The following CALML5 variants were observed in gnomAD, a reference collection of about 807,000 sequenced individuals.
CALML5 encodes calmodulin like 5.
For missense variants in CALML5, 207 were observed against 206.6 expected, an observed-to-expected ratio of 1.00 and a Z score of -0.01; for synonymous variants, 101 against 96.8, an observed-to-expected ratio of 1.04 and a Z score of -0.25.
In CALML5 at chr10:5,498,978, G is replaced by A. The variant is rs1267388314; in HGVS notation, c.*20C>T. On this transcript the variant is annotated 3_prime_UTR_variant, in exon 1 of 1. Transcript: ENST00000380332. ...CCCTGAAGGCTCAGAGCGCAGCCAG[G>A]GGGACACAGGCGGGGAGCCTCACTC... The A allele has an allele frequency of 2.1e-5, 32 of 1,516,334 alleles. No homozygotes were observed. Among genetic ancestry groups the A allele is most frequent in the Non-Finnish European group, 2.8e-5 (32 of 1,132,580 alleles). The allele number at this position is 1,516,334 out of a possible 1,614,324, so 93.9% of individuals were successfully genotyped here. A position where few individuals can be genotyped will look rare whatever the true frequency, so the allele number is the denominator to read the frequency against.
rs1833267530 is a variant in CALML5 at position 5,498,705 on chromosome 10, G to A, written c.*293C>T. The A allele has an allele frequency of 2.4e-6, 1 of 409,358 alleles. No individual in the cohort carries two copies. 25.4% of individuals were successfully genotyped at this position (409,358 alleles called of 1,614,324 possible). ...CAAACACCAAGCACACATGGAACTCGGCAGTCCTTTATTTAGATCAATGCG... is the reference window on the plus strand; with the variant it reads ...CAAACACCAAGCACACATGGAACTCAGCAGTCCTTTATTTAGATCAATGCG... On this transcript the variant is annotated 3_prime_UTR_variant, in exon 1 of 1. Transcript: ENST00000380332.
In CALML5 at chr10:5,499,045, C is replaced by A; in HGVS notation, c.394G>T (p.Gly132Trp). Reference sequence around the variant, plus strand: ...GCGAACTCCTCGTAGTTCACCCGCCCGTCCTGGTCCACGTCGGCCTCGCGG... The same window carrying A: ...GCGAACTCCTCGTAGTTCACCCGCCAGTCCTGGTCCACGTCGGCCTCGCGG... Reference protein sequence around the residue: ...MIREADVDQDGRVNYEEFARM... With the variant: ...MIREADVDQDWRVNYEEFARM... The change falls in exon 1 of 1, where the codon GGG becomes TGG. Residue 132 changes from glycine (G) to tryptophan (W), a missense_variant. Gly to Trp is a radical substitution (Grantham distance 184). Transcript: ENST00000380332. 1.3e-6 allele frequency: 2 copies of A among 1,594,070 alleles called. No individual in the cohort carries two copies. Among genetic ancestry groups the A allele is most frequent in the South Asian group, 1.1e-5 (1 of 89,286 alleles).
Position 5,498,816 on chromosome 10 carries a change from A to G in CALML5, c.*182T>C. On this transcript the variant is annotated 3_prime_UTR_variant, in exon 1 of 1. Coordinates refer to ENST00000380332, the MANE Select transcript of CALML5 (RefSeq NM_017422.5). ...TTCTGCCCAAGGTCTGGAGGCAGAG[A>G]GGGGCTCGCAGGCGGCCCGAGGGCG... The G allele has an allele frequency of 1.7e-6, 1 of 602,510 alleles. No homozygotes were observed. Among genetic ancestry groups the G allele is most frequent in the Non-Finnish European group, 2.9e-6 (1 of 345,256 alleles). 37.3% of individuals were successfully genotyped at this position (602,510 alleles called of 1,614,324 possible).
Position 5,499,372 on chromosome 10 carries a change from C to G in CALML5, c.67G>C (p.Asp23His), listed in dbSNP as rs141020784. The G allele has an allele frequency of 1.2e-6, 2 of 1,614,070 alleles. No individual in the cohort carries two copies. Among genetic ancestry groups the G allele is most frequent in the African/African-American group, 1.3e-5 (1 of 74,942 alleles). Residue 23 changes from aspartate to histidine, a missense_variant, in exon 1 of 1, where the codon GAT (aspartate) becomes CAT (histidine). Asp to His is a moderately conservative substitution (Grantham distance 81). Transcript: ENST00000380332. ...TGGGCATTGATGGTGCCGTTTCCAT[C>G]CGTGTCAACCGCGGAGAAAGCCTTT... is the stretch of plus-strand genomic sequence containing the variant. ...YKKAFSAVDT[D>H]GNGTINAQEL...
rs765766623 is a variant in CALML5 at position 5,499,122 on chromosome 10, G to T, written c.317C>A (p.Ala106Asp). The stretch of plus-strand genomic sequence containing the variant: ...CAGCGGCTGCCCCAGCCCCGCCATG[G>T]CCCGCCTGAGCTCGTCCACGGTGAT... ...GHITVDELRR[A>D]MAGLGQPLPQ... The change falls in exon 1 of 1, where the codon GCC (alanine) becomes GAC (aspartate). Residue 106 changes from alanine (A) to aspartate (D), a missense_variant. Ala to Asp is a moderately radical substitution (Grantham distance 126). Coordinates refer to ENST00000380332, the MANE Select transcript of CALML5 (RefSeq NM_017422.5). 2 of 1,602,100 alleles carry T rather than the reference G, an allele frequency of 1.2e-6. No individual in the cohort carries two copies. The highest frequency in any genetic ancestry group is 1.7e-6 in the Non-Finnish European group (2 of 1,179,218).
rs1588454905 is a variant in CALML5 at position 5,499,190 on chromosome 10, C to A, written c.249G>T (p.Leu83=). 1 of 1,611,454 alleles carries A rather than the reference C, an allele frequency of 6.2e-7. No homozygotes were observed. Among genetic ancestry groups the A allele is most frequent in the African/African-American group, 1.3e-5 (1 of 75,064 alleles). Residue 83 remains leucine, a synonymous_variant, in exon 1 of 1, where the codon CTG becomes CTT. Coordinates refer to ENST00000380332, the MANE Select transcript of CALML5 (RefSeq NM_017422.5). ...GGTCGAAGGCGCGGAAGGCGACCTG[C>A]AGGTCCTCCAGGCCGGCCCTGGCCT... The part of the protein sequence containing the change: ...AKKARAGLED[L]QVAFRAFDQD...
Position 5,499,002 on chromosome 10 carries a change from T to C in CALML5, c.437A>G (p.Glu146Gly), listed in dbSNP as rs1324155332. Residue 146 changes from glutamate (E) to glycine (G), a missense_variant, in exon 1 of 1, where the codon GAG becomes GGG. Glu to Gly is a moderately conservative substitution (Grantham distance 98). Transcript: ENST00000380332. ...GGGGGACACAGGCGGGGAGCCTCAC[T>C]CCTGGGCGAGCATCCTCGCGAACTC... ...YEEFARMLAQ[E>G] 23 of 1,544,116 alleles carry C rather than the reference T, an allele frequency of 1.5e-5. No homozygotes were observed. The African/African-American group carries it at 2.0e-4, about 14-fold the overall frequency.
rs778071826 is a variant in CALML5 at position 5,499,064 on chromosome 10, C to T, written c.375G>A (p.Glu125=). Residue 125 remains glutamate, a synonymous_variant, in exon 1 of 1, where the codon GAG becomes GAA. Coordinates refer to ENST00000380332, the MANE Select transcript of CALML5 (RefSeq NM_017422.5). ...CCCGCCCGTCCTGGTCCACGTCGGCCTCGCGGATCATGGCGTCCAGCTCCT... is the reference window on the plus strand; with the variant it reads ...CCCGCCCGTCCTGGTCCACGTCGGCTTCGCGGATCATGGCGTCCAGCTCCT... ...PQEELDAMIR[E]ADVDQDGRVN... is the part of the protein sequence containing the mutation. 7.5e-5 allele frequency: 120 copies of T among 1,598,342 alleles called. 2 individuals carry two copies. The South Asian group carries it at 1.3e-3, about 17-fold the overall frequency.
chr10:5,499,163 C>G lies in CALML5; in HGVS notation c.276G>C (p.Gln92His). The change falls in exon 1 of 1, where the codon CAG becomes CAC. Residue 92 changes from glutamine to histidine, a missense_variant. Gln to His is a conservative substitution (Grantham distance 24, BLOSUM62 0). Transcript: ENST00000380332. ...DLQVAFRAFD[Q>H]DGDGHITVDE... is the part of the protein sequence containing the mutation. ...CCACGGTGATGTGGCCGTCGCCATCCTGGTCGAAGGCGCGGAAGGCGACCT... is the reference window on the plus strand; with the variant it reads ...CCACGGTGATGTGGCCGTCGCCATCGTGGTCGAAGGCGCGGAAGGCGACCT... 1 of 1,608,192 alleles carries G rather than the reference C, an allele frequency of 6.2e-7. No individual in the cohort carries two copies. The highest frequency in any genetic ancestry group is 8.5e-7 in the Non-Finnish European group (1 of 1,179,818).
At position 5,499,493 on chromosome 10, in the gene CALML5, A is replaced by T. The variant is rs1323474698; in HGVS notation, c.-55T>A. On this transcript the variant is annotated 5_prime_UTR_variant, in exon 1 of 1. It adds an upstream start codon to the 5' untranslated region. Coordinates refer to ENST00000380332, the MANE Select transcript of CALML5 (RefSeq NM_017422.5). Reference sequence around the variant, plus strand: ...CCGAGCTGCTGCCCACCGGCCCTCAACCTGCTGCTCTCAGAGCTCGTGGTC... The same window carrying T: ...CCGAGCTGCTGCCCACCGGCCCTCATCCTGCTGCTCTCAGAGCTCGTGGTC... 6.7e-7 allele frequency: 1 copy of T among 1,482,134 alleles called. No individual in the cohort carries two copies. Among genetic ancestry groups the T allele is most frequent in the African/African-American group, 1.4e-5 (1 of 71,804 alleles). The allele number at this position is 1,482,134 out of a possible 1,614,324, so 91.8% of individuals were successfully genotyped here.
At position 5,499,040 on chromosome 10, in the gene CALML5, C is replaced by T; in HGVS notation, c.399G>A (p.Arg133=). The T allele has an allele frequency of 1.3e-6, 2 of 1,591,024 alleles. No homozygotes were observed. The highest frequency in any genetic ancestry group is 2.3e-5 in the East Asian group (1 of 44,240). ...TCCTCGCGAACTCCTCGTAGTTCAC[C>T]CGCCCGTCCTGGTCCACGTCGGCCT... ...IREADVDQDG[R]VNYEEFARML... Residue 133 remains arginine (R), a synonymous_variant, in exon 1 of 1, where the codon CGG becomes CGA. Coordinates refer to ENST00000380332, the MANE Select transcript of CALML5 (RefSeq NM_017422.5).
chr10:5,499,169 G>A lies in CALML5; in HGVS notation c.270C>T (p.Phe90=), dbSNP rs1205523647. 1.2e-6 allele frequency: 2 copies of A among 1,608,796 alleles called. No homozygotes were observed. Among genetic ancestry groups the A allele is most frequent in the South Asian group, 1.1e-5 (1 of 91,066 alleles). ...LEDLQVAFRA[F]DQDGDGHITV... ...TGATGTGGCCGTCGCCATCCTGGTC[G>A]AAGGCGCGGAAGGCGACCTGCAGGT... Residue 90 remains phenylalanine, a synonymous_variant, in exon 1 of 1, where the codon TTC becomes TTT. Coordinates refer to ENST00000380332, the MANE Select transcript of CALML5 (RefSeq NM_017422.5).
chr10:5,499,061 G>T lies in CALML5; in HGVS notation c.378C>A (p.Ala126=). The T allele has an allele frequency of 6.3e-7, 1 of 1,597,584 alleles. No homozygotes were observed. The highest frequency in any genetic ancestry group is 8.5e-7 in the Non-Finnish European group (1 of 1,177,304). Residue 126 remains alanine, a synonymous_variant, in exon 1 of 1, where the codon GCC becomes GCA. Coordinates refer to ENST00000380332, the MANE Select transcript of CALML5 (RefSeq NM_017422.5). The part of the protein sequence containing the change: ...QEELDAMIRE[A]DVDQDGRVNY... ...TCACCCGCCCGTCCTGGTCCACGTC[G>T]GCCTCGCGGATCATGGCGTCCAGCT...
chr10:5,498,780 A>G lies in CALML5; in HGVS notation c.*218T>C, dbSNP rs1294336302. 1.7e-6 allele frequency: 1 copy of G among 579,728 alleles called. No homozygotes were observed. Among genetic ancestry groups the G allele is most frequent in the Non-Finnish European group, 3.0e-6 (1 of 329,378 alleles). The allele number at this position is 579,728 out of a possible 1,614,324, so 35.9% of individuals were successfully genotyped here. A position where few individuals can be genotyped will look rare whatever the true frequency, so the allele number is the denominator to read the frequency against. The stretch of plus-strand genomic sequence containing the variant: ...GCAGGGCAAAGGGGGACCAGGCCCA[A>G]GGAGGCCTCCTTCTGCCCAAGGTCT... On this transcript the variant is annotated 3_prime_UTR_variant, in exon 1 of 1. Transcript: ENST00000380332.
rs773943050 is a variant in CALML5, at chr10:5,499,101, G to A, written c.338C>T (p.Pro113Leu). The change falls in exon 1 of 1, where the codon CCG becomes CTG. Residue 113 changes from proline (P) to leucine (L), a missense_variant. By Grantham distance (98) the Pro-to-Leu change is moderately conservative. Transcript: ENST00000380332. The stretch of plus-strand genomic sequence containing the variant: ...GGCGTCCAGCTCCTCCTGCGGCAGC[G>A]GCTGCCCCAGCCCCGCCATGGCCCG... The part of the protein sequence containing the change: ...LRRAMAGLGQ[P>L]LPQEELDAMI... 4.3e-5 allele frequency: 68 copies of A among 1,598,976 alleles called. No individual in the cohort carries two copies. Among genetic ancestry groups the A allele is most frequent in the Non-Finnish European group, 5.5e-5 (65 of 1,178,540 alleles).
rs748243295 is a variant in CALML5 at position 5,499,058 on chromosome 10, G to A, written c.381C>T (p.Asp127=). The change falls in exon 1 of 1, where the codon GAC becomes GAT. Residue 127 remains aspartate, a synonymous_variant. Transcript: ENST00000380332. ...AGTTCACCCGCCCGTCCTGGTCCAC[G>A]TCGGCCTCGCGGATCATGGCGTCCA... ...EELDAMIREA[D]VDQDGRVNYE... 27 of 1,597,138 alleles carry A rather than the reference G, an allele frequency of 1.7e-5. No individual in the cohort carries two copies. Among genetic ancestry groups the A allele is most frequent in the East Asian group, 2.2e-5 (1 of 44,526 alleles).
Position 5,499,265 on chromosome 10 carries a change from G to C in CALML5, c.174C>G (p.Ser58Arg), listed in dbSNP as rs139568157. The C allele has an allele frequency of 1.1e-4, 185 of 1,613,146 alleles. No individual in the cohort carries two copies. The highest frequency in any genetic ancestry group is 1.5e-4 in the Non-Finnish European group (179 of 1,179,484). ...GGAAGCTGATTTCGCCGTCGCCGTCGCTGTCAACCTCGGAGATGAGTTTCC... is the reference window on the plus strand; with the variant it reads ...GGAAGCTGATTTCGCCGTCGCCGTCCCTGTCAACCTCGGAGATGAGTTTCC... ...QLRKLISEVD[S>R]DGDGEISFQE... The change falls in exon 1 of 1, where the codon AGC becomes AGG. Residue 58 changes from serine (S) to arginine (R), a missense_variant. Transcript: ENST00000380332.
In CALML5 at chr10:5,499,022, G is replaced by T. The variant is rs1307232470; in HGVS notation, c.417C>A (p.Phe139Leu). The change falls in exon 1 of 1, where the codon TTC (phenylalanine) becomes TTA (leucine). Residue 139 changes from phenylalanine (F) to leucine (L), a missense_variant. Coordinates refer to ENST00000380332, the MANE Select transcript of CALML5 (RefSeq NM_017422.5). ...CTCACTCCTGGGCGAGCATCCTCGC[G>T]AACTCCTCGTAGTTCACCCGCCCGT... ...DQDGRVNYEE[F>L]ARMLAQE The T allele has an allele frequency of 6.3e-7, 1 of 1,575,064 alleles. No individual in the cohort carries two copies. Among genetic ancestry groups the T allele is most frequent in the Non-Finnish European group, 8.6e-7 (1 of 1,163,906 alleles).
rs772801950 is a variant in CALML5 at position 5,499,186 on chromosome 10, C to T, written c.253G>A (p.Val85Ile). 2.5e-6 allele frequency: 4 copies of T among 1,610,954 alleles called. No homozygotes were observed. In the African/African-American group the frequency reaches 5.3e-5, roughly 21 times the overall value. The change falls in exon 1 of 1, where the codon GTC becomes ATC. Residue 85 changes from valine to isoleucine, a missense_variant. Coordinates refer to ENST00000380332, the MANE Select transcript of CALML5 (RefSeq NM_017422.5). ...TCCTGGTCGAAGGCGCGGAAGGCGA[C>T]CTGCAGGTCCTCCAGGCCGGCCCTG... is the stretch of plus-strand genomic sequence containing the variant. ...KARAGLEDLQ[V>I]AFRAFDQDGD...
Sources: allele counts gnomAD v4.1 joint callset, GRCh38; gene constraint gnomAD v4.1.1; transcripts MANE v1.5; gene names NCBI Gene and HGNC (gene_info 2026-07-23, HGNC 2026-07-21).